The following PTPRU variants were observed in gnomAD, a reference collection of about 807,000 sequenced individuals.
The protein encoded by PTPRU is receptor-type tyrosine-protein phosphatase U.
A neutral mutation model predicts 166.3 loss-of-function variants in PTPRU; 69 were observed. That is an observed-to-expected ratio of 0.41 (90% CI 0.34 to 0.51). PTPRU has a LOEUF of 0.51. PTPRU is among the 20% of genes least tolerant of loss of function. The pLI is 0.09. For missense variants in PTPRU, 1,657 were observed against 2,013.7 expected, an observed-to-expected ratio of 0.82 and a Z score of 3.39; for synonymous variants, 793 against 814.0, an observed-to-expected ratio of 0.97 and a Z score of 0.44.
Position 29,315,316 on chromosome 1 carries a change from A to G in PTPRU, c.3228-56A>G, listed in dbSNP as rs544567455. The G allele has an allele frequency of 5.0e-6, 8 of 1,606,948 alleles. No homozygotes were observed. The East Asian group carries it at 1.8e-4, about 36-fold the overall frequency. On this transcript the variant is annotated intron_variant, in intron 22 of 29. Transcript: ENST00000373779. This position sits in a 1 kb window ranked among gnomAD's most constrained non-coding sequence, Gnocchi z 4.5. The stretch of plus-strand genomic sequence containing the variant: ...AGTGCCCTCCTCTCTTCTTCTCCTT[A>G]GTCCCGGGCTTCCTCCCCAAAGCTC...
chr1:29,274,123 C>T (rs993462816), intron 7 of PTPRU, among the ~76,000 whole-genome samples: 2 of 152,174 alleles, frequency 1.3e-5, no homozygotes, highest in Non-Finnish European at 2.9e-5. Flanking sequence ...CTCTGCCTCC[C>T]AGGTTCAAGA....
At chr1:29,269,238 A>G (rs1685438113) in intron 7 of PTPRU, among the ~76,000 whole-genome samples, 2 of 33,472 alleles carry the variant, frequency 6.0e-5, no homozygotes, top group East Asian at 2.2e-3. Context: ...ATATATATAT[A>G]TATATATATT....
chr1:29,260,922 C>T lies in PTPRU; in HGVS notation c.1144+19C>T. On this transcript the variant is annotated intron_variant, in intron 7 of 29. Transcript: ENST00000373779. This position sits in a 1 kb window ranked among gnomAD's most constrained non-coding sequence, Gnocchi z 8.3. ...TGCGCAGGTGGGTGCAGCAGCTACC[C>T]CTGGCCTCAGTCTCTGGTGGGCCCA... The T allele has an allele frequency of 1.3e-6, 2 of 1,515,420 alleles. No homozygotes were observed. The highest frequency in any genetic ancestry group is 2.6e-5 in the South Asian group (2 of 77,992). 93.9% of individuals were successfully genotyped at this position (1,515,420 alleles called of 1,614,324 possible). A position where few individuals can be genotyped will look rare whatever the true frequency, so the allele number is the denominator to read the frequency against.
chr1:29,325,112 C>G, intron 28 of PTPRU, 79 bp from the exon 29 acceptor site: 6 of 1,569,640 alleles, frequency 3.8e-6, no homozygotes, highest in Non-Finnish European at 5.2e-6. Context: ...CTCTCTGCCC[C>G]TCCCTCGTGG....
chr1:29,314,235 A>G (rs1403637238), intron 22 of PTPRU, among the ~76,000 whole-genome samples: 1 of 152,230 alleles, frequency 6.6e-6, no homozygotes, highest in Non-Finnish European at 1.5e-5. Flanking sequence ...CTTTTGGCCA[A>G]GAAATGTATT....
intron 26 of PTPRU, among the ~76,000 whole-genome samples, chr1:29,321,763 G>A (rs1026956207): frequency 3.3e-5 from 5 of 152,260 alleles, no homozygotes; most frequent in African/African-American, 7.2e-5. Flanking sequence ...TGGCACTGCT[G>A]TGTCTGCTGC....
At chr1:29,255,951 A>G (rs1359543726) in intron 2 of PTPRU, among the ~76,000 whole-genome samples, 2 of 152,244 alleles carry the variant, frequency 1.3e-5, no homozygotes, top group East Asian at 3.8e-4. Context: ...ACTGGGAGTC[A>G]GGAGACTAAT....
rs1355100353 is a variant in PTPRU at position 29,238,409 on chromosome 1, G to A, written c.73+1692G>A. ...GCTGCTCCGCGGGCTCCGGGTAGCC[G>A]GGAGACGCCCGGGGCGGGATCCGAG... On this transcript the variant is annotated intron_variant, in intron 1 of 29. Transcript: ENST00000373779. This position sits in a 1 kb window ranked among gnomAD's most constrained non-coding sequence, Gnocchi z 6.1. Among the ~76,000 whole-genome samples the A allele has an allele frequency of 6.6e-6, 1 of 152,084 alleles. No individual in the cohort carries two copies. The highest frequency in any genetic ancestry group is 1.5e-5 in the Non-Finnish European group (1 of 67,978).
chr1:29,279,463 A>G lies in PTPRU; in HGVS notation c.1571A>G (p.Tyr524Cys). The change falls in exon 10 of 30, where the codon TAC becomes TGC. Residue 524 changes from tyrosine to cysteine, a missense_variant. Transcript: ENST00000373779. The surrounding 1 kb of genome is among the most constrained non-coding windows in gnomAD (Gnocchi z 5.2). ...NGLITQYEIS[Y>C]QSIESSDPAV... ...TGCCAATCCTGCCCCCAGATCAGCTACCAGAGCATCGAGTCATCAGACCCG... is the reference window on the plus strand; with the variant it reads ...TGCCAATCCTGCCCCCAGATCAGCTGCCAGAGCATCGAGTCATCAGACCCG... The G allele has an allele frequency of 6.2e-7, 1 of 1,614,044 alleles. No individual in the cohort carries two copies. The highest frequency in any genetic ancestry group is 8.5e-7 in the Non-Finnish European group (1 of 1,179,984).
intron 17 of PTPRU, 48 bp downstream of exon 17, chr1:29,304,897 C>A: frequency 1.3e-6 from 2 of 1,503,090 alleles, no homozygotes; most frequent in Non-Finnish European, 1.8e-6. Context: ...GGTGGGAGGG[C>A]ATCAGGAGGG....
intron 1 of PTPRU, among the ~76,000 whole-genome samples, chr1:29,241,583 C>T (rs1444605540): frequency 2.3e-4 from 27 of 115,372 alleles, no homozygotes; most frequent in South Asian, 4.6e-4. Flanking sequence ...TTTTTTTTTT[C>T]TTCTTCTTCT....
chr1:29,272,422 G>C (rs931321967), intron 7 of PTPRU, among the ~76,000 whole-genome samples: 1 of 152,176 alleles, frequency 6.6e-6, no homozygotes, highest in East Asian at 1.9e-4. Flanking sequence ...CTGGAGACAT[G>C]CTGCTTGCCT....
chr1:29,315,363 T>G lies in PTPRU; in HGVS notation c.3228-9T>G. 2 of 1,614,036 alleles carry G rather than the reference T, an allele frequency of 1.2e-6. No individual in the cohort carries two copies. The highest frequency in any genetic ancestry group is 1.7e-6 in the Non-Finnish European group (2 of 1,180,014). Reference sequence around the variant, plus strand: ...GCTCTGACCTGGTCTGGGGCTGCTCTCTCTCCAGCGCGGGCACCGGCCGCA... The same window carrying G: ...GCTCTGACCTGGTCTGGGGCTGCTCGCTCTCCAGCGCGGGCACCGGCCGCA... On this transcript the variant is annotated splice_polypyrimidine_tract_variant and intron_variant, in intron 22 of 29. Transcript: ENST00000373779. The surrounding 1 kb of genome is among the most constrained non-coding windows in gnomAD (Gnocchi z 4.5).
chr1:29,297,508 A>G (rs1229815850), intron 15 of PTPRU, among the ~76,000 whole-genome samples: 2 of 152,184 alleles, frequency 1.3e-5, no homozygotes, highest in Non-Finnish European at 2.9e-5. Flanking sequence ...CTACTGCATC[A>G]TGCTGCACCT....
At chr1:29,307,426 C>T (rs1241832694) in intron 18 of PTPRU, among the ~76,000 whole-genome samples, 1 of 152,266 alleles carries the variant, frequency 6.6e-6, no homozygotes, top group Non-Finnish European at 1.5e-5. Flanking sequence ...GCCCATTCTG[C>T]ACTGGTCACA....
chr1:29,297,344 C>T (rs964275840), intron 15 of PTPRU, among the ~76,000 whole-genome samples: 3 of 152,116 alleles, frequency 2.0e-5, no homozygotes, highest in East Asian at 1.9e-4. Flanking sequence ...TGTGAGCCAC[C>T]GCACCTGCCT....
chr1:29,325,765 A>C lies in PTPRU; in HGVS notation c.*104A>C. ...TCCTGCTCTGCCCAAACACACTCCC[A>C]TGGGGCAAGCACTGGAGTGGATGCT... On this transcript the variant is annotated 3_prime_UTR_variant, in exon 30 of 30. Coordinates refer to ENST00000373779, the MANE Select transcript of PTPRU (RefSeq NM_133178.4). The C allele has an allele frequency of 8.0e-7, 1 of 1,249,880 alleles. No individual in the cohort carries two copies. Among genetic ancestry groups the C allele is most frequent in the Non-Finnish European group, 1.1e-6 (1 of 904,282 alleles). 77.4% of individuals were successfully genotyped at this position (1,249,880 alleles called of 1,614,324 possible).
rs139230643 is a variant in PTPRU at position 29,279,827 on chromosome 1, G to A, written c.1765+170G>A. Among the ~76,000 whole-genome samples, 300 of 152,358 alleles carry A rather than the reference G, an allele frequency of 2.0e-3. 2 individuals carry two copies. Among genetic ancestry groups the A allele is most frequent in the African/African-American group, 6.6e-3 (276 of 41,584 alleles). ...CAGGCTCAGGGAGGATGAAGTCAGA[G>A]GAGTCAGGAGACTGGTCAGTGGAAT... On this transcript the variant is annotated intron_variant, in intron 10 of 29. Coordinates refer to ENST00000373779, the MANE Select transcript of PTPRU (RefSeq NM_133178.4). This position sits in a 1 kb window ranked among gnomAD's most constrained non-coding sequence, Gnocchi z 5.2.
At chr1:29,323,558 A>T (rs1456134253) in intron 27 of PTPRU, 62 bp downstream of exon 27, 2 of 1,609,458 alleles carry the variant, frequency 1.2e-6, no homozygotes, top group Admixed American at 1.7e-5. Flanking sequence ...GCTTTTAATG[A>T]CCCTCTGTGT....
Sources: allele counts gnomAD v4.1 joint callset (sites outside exome capture counted in the v4.1 genomes callset), GRCh38; gene constraint gnomAD v4.1.1; non-coding constraint Gnocchi (gnomAD v3.1); transcripts MANE v1.5; gene names NCBI Gene and HGNC (gene_info 2026-07-23, HGNC 2026-07-21).